HEPHL1: variants seen among roughly 807,000 people sequenced by gnomAD.
HEPHL1 encodes ferroxidase HEPHL1.
A neutral mutation model predicts 122.0 loss-of-function variants in HEPHL1; 123 were observed. That is an observed-to-expected ratio of 1.01 (90% CI 0.87 to 1.17). The LOEUF (loss-of-function observed/expected upper bound fraction) is 1.17, where lower values mean the gene tolerates loss of function less well. HEPHL1 is among the 50% of genes most tolerant of loss of function. The pLI is 0.00. For missense variants in HEPHL1, 1,452 were observed against 1,430.5 expected, an observed-to-expected ratio of 1.01 and a Z score of -0.24; for synonymous variants, 527 against 508.9, an observed-to-expected ratio of 1.04 and a Z score of -0.48.
chr11:94,096,624 T>A (rs903977243), intron 13 of HEPHL1, among the ~76,000 whole-genome samples: 3 of 152,242 alleles, frequency 2.0e-5, no homozygotes, highest in African/African-American at 7.2e-5. Context: ...TCTGGTAGAA[T>A]TCGGCTGTAA....
At chr11:94,058,805 A>G (rs905245218) in intron 2 of HEPHL1, among the ~76,000 whole-genome samples, 2 of 152,058 alleles carry the variant, frequency 1.3e-5, no homozygotes, top group Admixed American at 1.3e-4. Context: ...GCCTCTAGCA[A>G]TCCTCACATC....
chr11:94,091,402 AC>A (rs1219929673), intron 12 of HEPHL1, among the ~76,000 whole-genome samples: 1 of 152,238 alleles, frequency 6.6e-6, no homozygotes, highest in African/African-American at 2.4e-5. Flanking sequence ...GAATGTGGCT[AC>A]AGGTTCTGCA....
chr11:94,090,535 C>T (rs1033028476), intron 12 of HEPHL1, among the ~76,000 whole-genome samples: 1 of 152,120 alleles, frequency 6.6e-6, no homozygotes, highest in South Asian at 2.1e-4. Flanking sequence ...GGTGCAATGC[C>T]ATAATTACAC....
intron 9 of HEPHL1, among the ~76,000 whole-genome samples, chr11:94,080,737 T>C (rs1197958860): frequency 6.6e-6 from 1 of 152,150 alleles, no homozygotes; most frequent in East Asian, 1.9e-4. Flanking sequence ...AAAACCACAA[T>C]GAGATACCAT....
chr11:94,091,640 T>G (rs1030023293), intron 12 of HEPHL1, among the ~76,000 whole-genome samples: 1 of 152,136 alleles, frequency 6.6e-6, no homozygotes, highest in Non-Finnish European at 1.5e-5. Flanking sequence ...ACAAGTATGT[T>G]CTATGAGAGG....
intron 5 of HEPHL1, 30 bp from the exon 6 acceptor site, chr11:94,070,344 C>T: frequency 1.3e-6 from 2 of 1,556,544 alleles, no homozygotes; most frequent in Non-Finnish European, 1.7e-6. Flanking sequence ...TCATTTATGC[C>T]TCAGCTCGTG....
chr11:94,063,508 G>A lies in HEPHL1; in HGVS notation c.416G>A (p.Gly139Glu). The A allele has an allele frequency of 6.3e-7, 1 of 1,594,710 alleles. No homozygotes were observed. The highest frequency in any genetic ancestry group is 8.5e-7 in the Non-Finnish European group (1 of 1,169,882). The change falls in exon 3 of 20, where the codon GGA becomes GAA. Residue 139 changes from glycine (G) to glutamate (E), a missense_variant and splice_region_variant. Coordinates refer to ENST00000315765, the MANE Select transcript of HEPHL1 (RefSeq NM_001098672.2). ...HGVFYNKDSEGALYPDGTSGR... is the reference protein window; with the variant it reads ...HGVFYNKDSEEALYPDGTSGR... ...TTTTTTTAATTTTATTTTTTGGAAG[G>A]AGCCCTATACCCAGATGGAACATCT...
chr11:94,089,674 A>G (rs1336143186), intron 12 of HEPHL1, among the ~76,000 whole-genome samples: 2 of 151,916 alleles, frequency 1.3e-5, no homozygotes, highest in Non-Finnish European at 2.9e-5. Context: ...ACAAGGGAGA[A>G]GGCAGGCGCA....
Position 94,088,627 on chromosome 11 carries a change from AC to A in HEPHL1, c.2081-127del, listed in dbSNP as rs1946237259. 1.6e-5 allele frequency: 11 copies of A among 692,480 alleles called. No homozygotes were observed. In the South Asian group the frequency reaches 2.1e-4, roughly 13 times the overall value. The allele number at this position is 692,480 out of a possible 1,614,324, so 42.9% of individuals were successfully genotyped here. A position where few individuals can be genotyped will look rare whatever the true frequency, so the allele number is the denominator to read the frequency against. The stretch of plus-strand genomic sequence containing the variant: ...CTGGGGTCTGATTTTAAACTACTAG[AC>A]AACTGGTATTTTAAAAATCCACCTA... On this transcript the variant is annotated intron_variant, in intron 11 of 19. Coordinates refer to ENST00000315765, the MANE Select transcript of HEPHL1 (RefSeq NM_001098672.2).
chr11:94,111,854 A>G lies in HEPHL1; in HGVS notation c.3440A>G (p.Gln1147Arg), dbSNP rs374212023. ...LCSAMKQTDY[Q>R]QVQSCALPTD... Reference sequence around the variant, plus strand: ...TCTGCAATGAAGCAGACAGATTACCAGCAAGTCCAGTCCTGTGCTCTCCCC... The same window carrying G: ...TCTGCAATGAAGCAGACAGATTACCGGCAAGTCCAGTCCTGTGCTCTCCCC... Residue 1147 changes from glutamine (Q) to arginine (R), a missense_variant, in exon 20 of 20, where the codon CAG (glutamine) becomes CGG (arginine). Gln to Arg is a conservative substitution (Grantham distance 43, BLOSUM62 1). Coordinates refer to ENST00000315765, the MANE Select transcript of HEPHL1 (RefSeq NM_001098672.2). The G allele has an allele frequency of 2.0e-6, 3 of 1,531,952 alleles. No individual in the cohort carries two copies. Among genetic ancestry groups the G allele is most frequent in the African/African-American group, 2.8e-5 (2 of 72,164 alleles). The allele number at this position is 1,531,952 out of a possible 1,614,324, so 94.9% of individuals were successfully genotyped here. A position where few individuals can be genotyped will look rare whatever the true frequency, so the allele number is the denominator to read the frequency against.
rs377746938 is a variant in HEPHL1, at chr11:94,066,101, G to A, written c.809-1395G>A. On this transcript the variant is annotated intron_variant, in intron 4 of 19. Transcript: ENST00000315765. ...TGGTCCCACCTACTTGTGATGCTGAGGTCAGAGGATTGCATTAGCCCGGGA... is the reference window on the plus strand; with the variant it reads ...TGGTCCCACCTACTTGTGATGCTGAAGTCAGAGGATTGCATTAGCCCGGGA... Among the ~76,000 whole-genome samples the A allele has an allele frequency of 3.2e-4, 48 of 152,302 alleles. No individual in the cohort carries two copies. In the East Asian group the frequency reaches 4.0e-3, roughly 13 times the overall value.
At chr11:94,042,722 T>C (rs1328874654) in intron 1 of HEPHL1, among the ~76,000 whole-genome samples, 4 of 70,198 alleles carry the variant, frequency 5.7e-5, no homozygotes, top group Admixed American at 3.9e-4. Context: ...TTGGGGACTG[T>C]GGTGGGGTGG....
At chr11:94,085,717 A>T (rs1693495653) in intron 10 of HEPHL1, among the ~76,000 whole-genome samples, 1 of 152,296 alleles carries the variant, frequency 6.6e-6, no homozygotes, top group Non-Finnish European at 1.5e-5. Flanking sequence ...TTCATAAACA[A>T]TCTGATTTAT....
intron 9 of HEPHL1, among the ~76,000 whole-genome samples, chr11:94,081,133 T>C (rs888475792): frequency 2.4e-4 from 37 of 152,204 alleles, no homozygotes; most frequent in Admixed American, 8.5e-4. Flanking sequence ...AATGAGATCA[T>C]GTCCTTTGCA....
chr11:94,075,321 G>A lies in HEPHL1; in HGVS notation c.1652G>A (p.Ser551Asn). Residue 551 changes from serine (S) to asparagine (N), a missense_variant, in exon 9 of 20, where the codon AGC becomes AAC. Coordinates refer to ENST00000315765, the MANE Select transcript of HEPHL1 (RefSeq NM_001098672.2). ...GCAGTTGATCCAATTAAGGACACCAGCTCTGGCCTGGTAGGGCCTTTGCTA... is the reference window on the plus strand; with the variant it reads ...GCAGTTGATCCAATTAAGGACACCAACTCTGGCCTGGTAGGGCCTTTGCTA... Reference protein sequence around the residue: ...FSAVDPIKDTSSGLVGPLLVC... With the variant: ...FSAVDPIKDTNSGLVGPLLVC... The A allele has an allele frequency of 6.2e-7, 1 of 1,613,522 alleles. No homozygotes were observed. Among genetic ancestry groups the A allele is most frequent in the Non-Finnish European group, 8.5e-7 (1 of 1,179,646 alleles).
chr11:94,036,002 C>T (rs1203182094), intron 1 of HEPHL1, among the ~76,000 whole-genome samples: 1 of 152,226 alleles, frequency 6.6e-6, no homozygotes, highest in Non-Finnish European at 1.5e-5. Flanking sequence ...TCCCAAAGTG[C>T]TGGGATTACA....
At chr11:94,052,345 C>T (rs182123941) in intron 2 of HEPHL1, among the ~76,000 whole-genome samples, 8 of 151,902 alleles carry the variant, frequency 5.3e-5, no homozygotes, top group East Asian at 3.9e-4. Context: ...TCCTTAGTTA[C>T]GTTAACTTCT....
intron 13 of HEPHL1, among the ~76,000 whole-genome samples, chr11:94,096,883 A>G (rs986329762): frequency 7.2e-5 from 11 of 152,092 alleles, no homozygotes; most frequent in African/African-American, 2.7e-4. Context: ...ATCATTTTTT[A>G]TTGCGCCTAT....
chr11:94,064,092 G>GACTCC (rs1161117634), intron 3 of HEPHL1, among the ~76,000 whole-genome samples: 1 of 152,088 alleles, frequency 6.6e-6, no homozygotes, highest in African/African-American at 2.4e-5. Context: ...CAATAAAATG[G>GACTCC]ACTCCCTTTA....
Sources: allele counts gnomAD v4.1 joint callset (sites outside exome capture counted in the v4.1 genomes callset), GRCh38; gene constraint gnomAD v4.1.1; transcripts MANE v1.5; gene names NCBI Gene and HGNC (gene_info 2026-07-23, HGNC 2026-07-21).